Variants in SLC13A3 observed in about 807,000 individuals in gnomAD.
The protein encoded by SLC13A3 is Na(+)/dicarboxylate cotransporter 3.
A neutral mutation model predicts 59.0 loss-of-function variants in SLC13A3; 40 were observed. That is an observed-to-expected ratio of 0.68 (90% CI 0.53 to 0.88). SLC13A3 has a LOEUF of 0.88. Among genes scored for constraint, SLC13A3 ranks in the 40% least tolerant of loss-of-function variants. The pLI, the probability that SLC13A3 is intolerant of heterozygous loss-of-function variation, is 0.00. For missense variants in SLC13A3, 699 were observed against 783.2 expected, an observed-to-expected ratio of 0.89 and a Z score of 1.28; for synonymous variants, 317 against 330.3, an observed-to-expected ratio of 0.96 and a Z score of 0.44.
At chr20:46,611,548 C>T (rs1430954770) in intron 2 of SLC13A3, among the ~76,000 whole-genome samples, 1 of 152,196 alleles carries the variant, frequency 6.6e-6, no homozygotes, top group East Asian at 1.9e-4. Context: ...GCAGATGGCA[C>T]AGAGATAATG....
rs2062311929 is a variant in SLC13A3 at position 46,596,280 on chromosome 20, T to C, written c.671A>G (p.Asp224Gly). Residue 224 changes from aspartate to glycine, a missense_variant, in exon 5 of 13, where the codon GAT (aspartate) becomes GGT (glycine). Coordinates refer to ENST00000279027, the MANE Select transcript of SLC13A3 (RefSeq NM_022829.6). Reference protein sequence around the residue: ...LDLPADSRKEDEYRRNIWKGF... With the variant: ...LDLPADSRKEGEYRRNIWKGF... ...CTTCCAGATGTTCCGACGATATTCA[T>C]CCTCCTTCCTGGAGTCAGCCGGCAG... 1.9e-6 allele frequency: 3 copies of C among 1,614,150 alleles called. No homozygotes were observed. Among genetic ancestry groups the C allele is most frequent in the South Asian group, 2.2e-5 (2 of 91,074 alleles).
At chr20:46,632,909 A>ATC (rs1555881873) in intron 1 of SLC13A3, among the ~76,000 whole-genome samples, 4 of 46,766 alleles carry the variant, frequency 8.6e-5, no homozygotes, top group Non-Finnish European at 1.9e-4. Flanking sequence ...AGATAGATAG[A>ATC]TATATCTATC....
chr20:46,588,186 T>C, intron 7 of SLC13A3, 23 bp from the exon 8 acceptor site: 2 of 1,496,082 alleles, frequency 1.3e-6, no homozygotes, highest in Non-Finnish European at 1.8e-6. Flanking sequence ...CATGCAGGCA[T>C]GATGGTGACC....
intron 3 of SLC13A3, among the ~76,000 whole-genome samples, chr20:46,601,271 A>G (rs2062378259): frequency 6.6e-6 from 1 of 152,136 alleles, no homozygotes; most frequent in Non-Finnish European, 1.5e-5. Flanking sequence ...GAAAGGGGCA[A>G]AAATGGAAGC....
Position 46,610,450 on chromosome 20 carries a change from G to C in SLC13A3, c.537C>G (p.Asn179Lys). ...AATCCCTTAGCACAGCCTCACCTGT[G>C]TTCTCTTCACTCTCCTGGCTGGGGT... is the stretch of plus-strand genomic sequence containing the variant. ...RKDPSQESEE[N>K]TAAVRRNGLH... Residue 179 changes from asparagine to lysine, a missense_variant, in exon 3 of 13, where the codon AAC becomes AAG. By Grantham distance (94) the Asn-to-Lys change is moderately conservative. Transcript: ENST00000279027. 1 of 1,612,502 alleles carries C rather than the reference G, an allele frequency of 6.2e-7. No homozygotes were observed. The highest frequency in any genetic ancestry group is 8.5e-7 in the Non-Finnish European group (1 of 1,179,154).
chr20:46,632,795 A>ATCTC (rs903019705), intron 1 of SLC13A3, among the ~76,000 whole-genome samples: 2 of 150,218 alleles, frequency 1.3e-5, no homozygotes, highest in East Asian at 2.0e-4. Context: ...AGTAATCTCT[A>ATCTC]TCTCTCTCTC....
chr20:46,678,217 G>A (rs1361630369), intron 1 of SLC13A3, among the ~76,000 whole-genome samples: 1 of 152,174 alleles, frequency 6.6e-6, no homozygotes, highest in East Asian at 1.9e-4. Context: ...CACCTCCCAG[G>A]CCTTGGTAAG....
chr20:46,651,058 G>A (rs1483223655), intron 1 of SLC13A3, among the ~76,000 whole-genome samples: 2 of 152,142 alleles, frequency 1.3e-5, no homozygotes, highest in Admixed American at 1.3e-4. Flanking sequence ...TCACTGAAAC[G>A]AAACGAAATT....
intron 1 of SLC13A3, among the ~76,000 whole-genome samples, chr20:46,633,168 C>A (rs919458772): frequency 1.3e-5 from 2 of 152,054 alleles, no homozygotes. Flanking sequence ...CACATATATA[C>A]GGACCCCAAA....
intron 1 of SLC13A3, among the ~76,000 whole-genome samples, chr20:46,617,607 T>TGC (rs1486640641): frequency 5.3e-4 from 27 of 51,250 alleles, no homozygotes; most frequent in African/African-American, 2.7e-3. Flanking sequence ...TGTGTGTGTG[T>TGC]GCGTGTGTGT....
At chr20:46,614,623 TTGGGC>T (rs2062537220) in intron 1 of SLC13A3, among the ~76,000 whole-genome samples, 1 of 152,180 alleles carries the variant, frequency 6.6e-6, no homozygotes, top group Non-Finnish European at 1.5e-5. Flanking sequence ...CTGACATCTG[TTGGGC>T]TATTAAGTAC....
intron 1 of SLC13A3, among the ~76,000 whole-genome samples, chr20:46,646,367 T>C (rs912057612): frequency 6.6e-6 from 1 of 152,220 alleles, no homozygotes; most frequent in African/African-American, 2.4e-5. Context: ...TTCCTACATC[T>C]GATGTGAAGA....
intron 1 of SLC13A3, among the ~76,000 whole-genome samples, chr20:46,624,083 C>G (rs1008778630): frequency 1.3e-5 from 2 of 152,160 alleles, no homozygotes; most frequent in Non-Finnish European, 2.9e-5. Flanking sequence ...GCCATCTCTG[C>G]CCCTCCATGA....
At chr20:46,666,925 AG>A (rs749701887) in intron 1 of SLC13A3, among the ~76,000 whole-genome samples, 1 of 152,180 alleles carries the variant, frequency 6.6e-6, no homozygotes, top group East Asian at 1.9e-4. Context: ...CTTGGAGTGC[AG>A]GGAGTACGTG....
chr20:46,632,117 G>C (rs1391866683), intron 1 of SLC13A3, among the ~76,000 whole-genome samples: 1 of 152,182 alleles, frequency 6.6e-6, no homozygotes, highest in Non-Finnish European at 1.5e-5. Context: ...CCCACACTTT[G>C]GGGACAGGAC....
chr20:46,651,336 G>A lies in SLC13A3; in HGVS notation c.86C>T (p.Pro29Leu), dbSNP rs1381905345. The change falls in exon 1 of 13, where the codon CCG becomes CTG. Residue 29 changes from proline to leucine, a missense_variant. Coordinates refer to ENST00000279027, the MANE Select transcript of SLC13A3 (RefSeq NM_022829.6). ...CTTGGGCGGGAGGGCGAAGACCACC[G>A]GCAGCAGCGCGAGCGGCGTGAACAG... ...VLLFTPLALL[P>L]VVFALPPKEG... 9.9e-6 allele frequency: 15 copies of A among 1,514,854 alleles called. No individual in the cohort carries two copies. In the Admixed American group the frequency reaches 1.0e-4, roughly 11 times the overall value. The allele number at this position is 1,514,854 out of a possible 1,614,324, so 93.8% of individuals were successfully genotyped here.
chr20:46,567,423 T>A (rs2061990481), intron 10 of SLC13A3, among the ~76,000 whole-genome samples: 1 of 152,100 alleles, frequency 6.6e-6, no homozygotes, highest in African/African-American at 2.4e-5. Flanking sequence ...AACTTCAGCC[T>A]GAAAAAGTTT....
At chr20:46,678,341 C>T (rs2063137524) in intron 1 of SLC13A3, among the ~76,000 whole-genome samples, 1 of 152,204 alleles carries the variant, frequency 6.6e-6, no homozygotes, top group South Asian at 2.1e-4. Context: ...GGCCTGGGGT[C>T]TCTATCTGTG....
intron 1 of SLC13A3, among the ~76,000 whole-genome samples, chr20:46,678,626 T>A (rs2063138984): frequency 6.6e-6 from 1 of 152,192 alleles, no homozygotes; most frequent in Non-Finnish European, 1.5e-5. Flanking sequence ...GATGTGCTGG[T>A]GTCAGAGCAG....
Sources: allele counts gnomAD v4.1 joint callset (sites outside exome capture counted in the v4.1 genomes callset), GRCh38; gene constraint gnomAD v4.1.1; transcripts MANE v1.5; gene names NCBI Gene and HGNC (gene_info 2026-07-23, HGNC 2026-07-21).